Variants in HS6ST3 observed in about 807,000 individuals in gnomAD.
HS6ST3 encodes heparan sulfate 6-O-sulfotransferase 3.
A neutral mutation model predicts 36.7 loss-of-function variants in HS6ST3; 12 were observed. That is an observed-to-expected ratio of 0.33 (90% CI 0.21 to 0.53). HS6ST3 has a LOEUF of 0.53. HS6ST3 is among the 20% of genes least tolerant of loss of function. The probability of loss-of-function intolerance (pLI) is 0.95; values close to 1 mark genes in which losing one functional copy is unlikely to be tolerated. For synonymous variants in HS6ST3, 240 were observed against 257.5 expected, an observed-to-expected ratio of 0.93 and a Z score of 0.65; for missense variants, 584 against 640.9, an observed-to-expected ratio of 0.91 and a Z score of 0.96.
intron 1 of HS6ST3, among the ~76,000 whole-genome samples, chr13:96,575,709 C>T (rs1010820969): frequency 1.2e-4 from 19 of 152,212 alleles, no homozygotes; most frequent in South Asian, 4.1e-4. Flanking sequence ...TTTCATGTGA[C>T]GTATTTCCCC....
At chr13:96,642,335 G>A (rs548676206) in intron 1 of HS6ST3, among the ~76,000 whole-genome samples, 2 of 151,664 alleles carry the variant, frequency 1.3e-5, no homozygotes, top group South Asian at 4.2e-4. Flanking sequence ...TTGACTTTTA[G>A]CCATTTGATT....
chr13:96,821,251 T>C (rs1007532687), intron 1 of HS6ST3, among the ~76,000 whole-genome samples: 1 of 152,220 alleles, frequency 6.6e-6, no homozygotes, highest in African/African-American at 2.4e-5. Flanking sequence ...TGTCCATCCC[T>C]GGCCTTGCAA....
chr13:96,753,522 G>A (rs1054706911), intron 1 of HS6ST3, among the ~76,000 whole-genome samples: 1 of 152,032 alleles, frequency 6.6e-6, no homozygotes, highest in Non-Finnish European at 1.5e-5. Flanking sequence ...TGTTATTGGT[G>A]TAAAATGTAA....
intron 1 of HS6ST3, among the ~76,000 whole-genome samples, chr13:96,792,592 C>T (rs1260107664): frequency 6.6e-6 from 1 of 151,834 alleles, no homozygotes; most frequent in Non-Finnish European, 1.5e-5. Context: ...ATACAGATTG[C>T]CAGTTGGGAG....
chr13:96,679,390 C>T (rs944852066), intron 1 of HS6ST3, among the ~76,000 whole-genome samples: 5 of 151,934 alleles, frequency 3.3e-5, no homozygotes, highest in Non-Finnish European at 7.4e-5. Context: ...CCCTGTTTGC[C>T]TCACCCCAAG....
At chr13:96,628,751 A>G (rs1354310989) in intron 1 of HS6ST3, among the ~76,000 whole-genome samples, 2 of 151,604 alleles carry the variant, frequency 1.3e-5, no homozygotes, top group African/African-American at 2.4e-5. Context: ...TCTTTTTGTG[A>G]TATTTTGGTT....
Position 96,307,392 on chromosome 13 carries a change from A to G in HS6ST3, c.707+215823A>G, listed in dbSNP as rs143275942. On this transcript the variant is annotated intron_variant, in intron 1 of 1. Coordinates refer to ENST00000376705, the MANE Select transcript of HS6ST3 (RefSeq NM_153456.4). ...GAAAATATGGAAAAAAGAAACTTACATCACTAGATGAATGATATCTTAATT... is the reference window on the plus strand; with the variant it reads ...GAAAATATGGAAAAAAGAAACTTACGTCACTAGATGAATGATATCTTAATT... Among the ~76,000 whole-genome samples, 472 of 152,306 alleles carry G rather than the reference A, an allele frequency of 3.1e-3. 3 individuals are homozygous for G. Among genetic ancestry groups the G allele is most frequent in the African/African-American group, 0.011 (461 of 41,574 alleles).
chr13:96,444,450 ATTTACT>A (rs1380615179), intron 1 of HS6ST3, among the ~76,000 whole-genome samples: 2 of 152,234 alleles, frequency 1.3e-5, no homozygotes, highest in Admixed American at 6.5e-5. Flanking sequence ...GTTAATTAAC[ATTTACT>A]TAAACAGTGA....
chr13:96,261,125 T>A (rs984131336), intron 1 of HS6ST3, among the ~76,000 whole-genome samples: 1 of 152,096 alleles, frequency 6.6e-6, no homozygotes, highest in African/African-American at 2.4e-5. Context: ...AAAAATGTCT[T>A]TGAATTGTAT....
intron 1 of HS6ST3, among the ~76,000 whole-genome samples, chr13:96,745,256 A>G (rs1876535032): frequency 6.6e-6 from 1 of 152,112 alleles, no homozygotes; most frequent in African/African-American, 2.4e-5. Flanking sequence ...CAAACATTAT[A>G]GCCTCAATTA....
intron 1 of HS6ST3, among the ~76,000 whole-genome samples, chr13:96,328,648 T>C (rs1316875006): frequency 6.6e-6 from 1 of 151,810 alleles, no homozygotes; most frequent in Non-Finnish European, 1.5e-5. Flanking sequence ...TTCTCTTTTT[T>C]GGTTGTGTCT....
chr13:96,790,053 G>T (rs1012737546), intron 1 of HS6ST3, among the ~76,000 whole-genome samples: 10 of 151,716 alleles, frequency 6.6e-5, no homozygotes, highest in Admixed American at 2.0e-4. Context: ...TCAAATACTT[G>T]TTGGTATTTT....
At chr13:96,754,038 C>G (rs892027388) in intron 1 of HS6ST3, among the ~76,000 whole-genome samples, 6 of 152,040 alleles carry the variant, frequency 3.9e-5, no homozygotes, top group Non-Finnish European at 8.8e-5. Flanking sequence ...AGGCTGATCT[C>G]GAACTCCTGA....
chr13:96,558,830 CTT>C (rs1321447536), intron 1 of HS6ST3, among the ~76,000 whole-genome samples: 8 of 152,030 alleles, frequency 5.3e-5, no homozygotes, highest in Non-Finnish European at 8.8e-5. Flanking sequence ...TTTTATTACT[CTT>C]ATTATTTATT....
chr13:96,401,044 G>T (rs1228895794), intron 1 of HS6ST3, among the ~76,000 whole-genome samples: 1 of 152,100 alleles, frequency 6.6e-6, no homozygotes, highest in African/African-American at 2.4e-5. Context: ...AAAATACGTT[G>T]ATTATTCAAT....
chr13:96,540,281 C>T (rs1233549133), intron 1 of HS6ST3, among the ~76,000 whole-genome samples: 2 of 152,170 alleles, frequency 1.3e-5, no homozygotes, highest in Non-Finnish European at 2.9e-5. Context: ...TTCTTGTAAG[C>T]TACTTTCCAA....
At chr13:96,138,958 CTATTT>C (rs1238140998) in intron 1 of HS6ST3, among the ~76,000 whole-genome samples, 2 of 151,892 alleles carry the variant, frequency 1.3e-5, no homozygotes, top group Non-Finnish European at 2.9e-5. Context: ...TTAATTTATA[CTATTT>C]TATATTTTCT....
chr13:96,458,842 C>A (rs2055767295), intron 1 of HS6ST3, among the ~76,000 whole-genome samples: 1 of 151,944 alleles, frequency 6.6e-6, no homozygotes, highest in Admixed American at 6.6e-5. Context: ...TGGCTCACGC[C>A]TATAATCCCA....
At chr13:96,218,397 G>A (rs1048875683) in intron 1 of HS6ST3, among the ~76,000 whole-genome samples, 1 of 152,184 alleles carries the variant, frequency 6.6e-6, no homozygotes, top group Non-Finnish European at 1.5e-5. Context: ...ACAGCCTCTG[G>A]GGCAGAGAGG....
Sources: allele counts gnomAD v4.1 joint callset (sites outside exome capture counted in the v4.1 genomes callset), GRCh38; gene constraint gnomAD v4.1.1; transcripts MANE v1.5; gene names NCBI Gene and HGNC (gene_info 2026-07-23, HGNC 2026-07-21).